Variants in PIKFYVE observed in about 807,000 individuals in gnomAD.
The protein encoded by PIKFYVE is phosphoinositide kinase, FYVE-type zinc finger containing.
In PIKFYVE, 122 loss-of-function variants were observed where a neutral mutation model predicts 257.9. The ratio of observed to expected loss-of-function variants is 0.47; its 90% CI spans 0.41 to 0.55. PIKFYVE has a LOEUF of 0.55. PIKFYVE is among the 20% of genes least tolerant of loss of function. The pLI, the probability that PIKFYVE is intolerant of heterozygous loss-of-function variation, is 0.00. For missense variants in PIKFYVE, 2,160 were observed against 2,536.6 expected (o/e 0.85, Z 3.19); for synonymous variants, 892 against 868.9 (o/e 1.03, Z -0.47).
At chr2:208,271,393 G>A in intron 1 of PIKFYVE, 118 bp from the exon 2 acceptor site, 1 of 959,924 alleles carries the variant, frequency 1.0e-6, no homozygotes, top group South Asian at 1.3e-5. Context: ...TTTACTGTTT[G>A]TTTTCATAGT....
chr2:208,272,329 A>G (rs1355245007), intron 2 of PIKFYVE, among the ~76,000 whole-genome samples: 1 of 151,992 alleles, frequency 6.6e-6, no homozygotes, highest in Non-Finnish European at 1.5e-5. Flanking sequence ...TTTTTTCTTA[A>G]TATGCTTTAA....
At chr2:208,329,592 A>G (rs1024642861) in intron 21 of PIKFYVE, among the ~76,000 whole-genome samples, 1 of 152,230 alleles carries the variant, frequency 6.6e-6, no homozygotes, top group African/African-American at 2.4e-5. Context: ...TTACTAAATT[A>G]ATATTATAGT....
intron 34 of PIKFYVE, 52 bp from the exon 35 acceptor site, chr2:208,347,807 T>G (rs55788115): frequency 0.012 from 17,249 of 1,494,080 alleles, 142 homozygotes; most frequent in Middle Eastern, 0.014. Context: ...ATTTTTATTT[T>G]TCATCTGTAG....
intron 23 of PIKFYVE, 75 bp from the exon 24 acceptor site, chr2:208,333,240 A>C: frequency 6.6e-7 from 1 of 1,521,742 alleles, no homozygotes; most frequent in Non-Finnish European, 9.0e-7. Flanking sequence ...TCTCAAAAAA[A>C]AAAAAGAAAA....
intron 31 of PIKFYVE, among the ~76,000 whole-genome samples, chr2:208,341,953 A>AC (rs1553530283): frequency 1.1e-4 from 17 of 150,516 alleles, no homozygotes; most frequent in Admixed American, 1.1e-3. Context: ...TATGGTGCCA[A>AC]TTTTTTTTTT....
Position 208,325,788 on chromosome 2 carries a change from A to G in PIKFYVE, c.2977A>G (p.Ser993Gly). Residue 993 changes from serine (S) to glycine (G), a missense_variant, in exon 20 of 42, where the codon AGC (serine) becomes GGC (glycine). Around this residue, in one of 12 missense-constraint regions of PIKFYVE, gnomAD observed 522 missense variants for 514.6 expected, o/e 1.01. Coordinates refer to ENST00000264380, the MANE Select transcript of PIKFYVE (RefSeq NM_015040.4). Reference sequence around the variant, plus strand: ...GGATGACCAACAAGATGCTTTAGGCAGCGAGCAGCCAGAGACTTTGCAGCA... The same window carrying G: ...GGATGACCAACAAGATGCTTTAGGCGGCGAGCAGCCAGAGACTTTGCAGCA... The part of the protein sequence containing the change: ...PVDDQQDALG[S>G]EQPETLQQTV... The G allele has an allele frequency of 6.2e-7, 1 of 1,614,090 alleles. No homozygotes were observed. Among genetic ancestry groups the G allele is most frequent in the Non-Finnish European group, 8.5e-7 (1 of 1,179,982 alleles).
rs73062583 is a variant in PIKFYVE, at chr2:208,354,511, T to C, written c.6107-60T>C. On this transcript the variant is annotated intron_variant, in intron 40 of 41. Transcript: ENST00000264380. ...GTAGTAGTAATAGTCATTGCTGTTG[T>C]CATTTGATTATATTTATTAACATAG... 3,820 of 1,392,976 alleles carry C rather than the reference T, an allele frequency of 2.7e-3. 84 individuals are homozygous for C. The African/African-American group carries it at 0.045, about 17-fold the overall frequency. 86.3% of individuals were successfully genotyped at this position (1,392,976 alleles called of 1,614,324 possible). A position where few individuals can be genotyped will look rare whatever the true frequency, so the allele number is the denominator to read the frequency against.
Position 208,325,901 on chromosome 2 carries a change from A to T in PIKFYVE, c.3090A>T (p.Glu1030Asp). The T allele has an allele frequency of 6.2e-7, 1 of 1,614,126 alleles. No individual in the cohort carries two copies. The highest frequency in any genetic ancestry group is 8.5e-7 in the Non-Finnish European group (1 of 1,179,982). The change falls in exon 20 of 42, where the codon GAA becomes GAT. Residue 1030 changes from glutamate (E) to aspartate (D), a missense_variant. By Grantham distance (45) the Glu-to-Asp change is conservative. Around this residue, in one of 12 missense-constraint regions of PIKFYVE, gnomAD observed 522 missense variants for 514.6 expected, o/e 1.01. Coordinates refer to ENST00000264380, the MANE Select transcript of PIKFYVE (RefSeq NM_015040.4). The stretch of plus-strand genomic sequence containing the variant: ...ACACTGGATTATATGTTACTGAGGA[A>T]GTCACCTCCTCTGAAGATAAACGAA... ...QDDTGLYVTE[E>D]VTSSEDKRKT... is the part of the protein sequence containing the mutation.
chr2:208,293,556 T>A (rs1692584468), intron 7 of PIKFYVE, among the ~76,000 whole-genome samples: 1 of 152,200 alleles, frequency 6.6e-6, no homozygotes, highest in African/African-American at 2.4e-5. Flanking sequence ...GGGTACAGAA[T>A]TGTAGGTTGA....
At chr2:208,318,983 A>G (rs1348016262) in intron 16 of PIKFYVE, among the ~76,000 whole-genome samples, 1 of 149,334 alleles carries the variant, frequency 6.7e-6, no homozygotes, top group Non-Finnish European at 1.5e-5. Flanking sequence ...TAGGCACTTC[A>G]GGTGTTTCCA....
At chr2:208,306,789 T>TTC (rs111291579) in intron 12 of PIKFYVE, among the ~76,000 whole-genome samples, 8,678 of 145,356 alleles carry the variant, frequency 0.06, 492 homozygotes, top group African/African-American at 0.14. Context: ...TTTTTTTTTT[T>TTC]TTCTAAGAGA....
At chr2:208,353,738 T>C (rs1699979754) in intron 39 of PIKFYVE, among the ~76,000 whole-genome samples, 160 bp from the exon 40 acceptor site, 2 of 152,212 alleles carry the variant, frequency 1.3e-5, no homozygotes, top group African/African-American at 4.8e-5. Flanking sequence ...TCACCATGCG[T>C]TTAAAAACTT....
At chr2:208,338,719 T>A in intron 29 of PIKFYVE, 151 bp downstream of exon 29, 2 of 738,186 alleles carry the variant, frequency 2.7e-6, no homozygotes, top group Non-Finnish European at 4.7e-6. Flanking sequence ...CCTATCAGAT[T>A]AAGATTATCA....
At chr2:208,285,974 T>G in intron 6 of PIKFYVE, 41 bp downstream of exon 6, 1 of 1,576,190 alleles carries the variant, frequency 6.3e-7, no homozygotes, top group Non-Finnish European at 8.7e-7. Flanking sequence ...AGTTGAAAAA[T>G]ATCGATAGTT....
chr2:208,325,707 G>C lies in PIKFYVE; in HGVS notation c.2896G>C (p.Gly966Arg). 1 of 1,613,514 alleles carries C rather than the reference G, an allele frequency of 6.2e-7. No individual in the cohort carries two copies. The highest frequency in any genetic ancestry group is 8.5e-7 in the Non-Finnish European group (1 of 1,179,620). Residue 966 changes from glycine (G) to arginine (R), a missense_variant, in exon 20 of 42, where the codon GGT (glycine) becomes CGT (arginine). Coordinates refer to ENST00000264380, the MANE Select transcript of PIKFYVE (RefSeq NM_015040.4). ...QEHSTTACPA[G>R]LPCAFFAPVP... The stretch of plus-strand genomic sequence containing the variant: ...ACATAGCACAACAGCTTGCCCGGCG[G>C]GTCTCCCTTGTGCTTTCTTTGCACC...
At position 208,304,855 on chromosome 2, in the gene PIKFYVE, G is replaced by A; in HGVS notation, c.1478G>A (p.Ser493Asn). 1.2e-6 allele frequency: 2 copies of A among 1,613,976 alleles called. No individual in the cohort carries two copies. The highest frequency in any genetic ancestry group is 1.7e-6 in the Non-Finnish European group (2 of 1,179,962). The change falls in exon 12 of 42, where the codon AGT (serine) becomes AAT (asparagine). Residue 493 changes from serine to asparagine, a missense_variant. Ser to Asn is a conservative substitution (Grantham distance 46, BLOSUM62 1). Transcript: ENST00000264380. ...EGDDNLANSA[S>N]PSKRTSVSSF... ...TTCCCAACACTAAAAGATTCTGCCA[G>A]TCCTAGCAAGCGCACATCAGTCAGC...
At chr2:208,327,292 C>A (rs186999775) in intron 20 of PIKFYVE, among the ~76,000 whole-genome samples, 1 of 152,112 alleles carries the variant, frequency 6.6e-6, no homozygotes, top group Non-Finnish European at 1.5e-5. Context: ...AGGAAAGTCT[C>A]CATTAATTTA....
At chr2:208,282,607 C>T (rs1016886941) in intron 5 of PIKFYVE, among the ~76,000 whole-genome samples, 5 of 152,158 alleles carry the variant, frequency 3.3e-5, no homozygotes, top group Admixed American at 2.6e-4. Context: ...TTAGATGAGA[C>T]CCACTCACAT....
intron 1 of PIKFYVE, among the ~76,000 whole-genome samples, chr2:208,268,042 G>A (rs1026040197): frequency 6.6e-6 from 1 of 152,198 alleles, no homozygotes; most frequent in Non-Finnish European, 1.5e-5. Context: ...AAGGCTTTGG[G>A]TAGGTAGGTT....
Sources: allele counts gnomAD v4.1 joint callset (sites outside exome capture counted in the v4.1 genomes callset), GRCh38; gene constraint gnomAD v4.1.1; regional missense constraint gnomAD v4.1.1; transcripts MANE v1.5; gene names NCBI Gene and HGNC (gene_info 2026-07-23, HGNC 2026-07-21).